ZNF578: variants seen among roughly 807,000 people sequenced by gnomAD.
ZNF578 encodes Putative chemokine-related protein B42.
In ZNF578, 8 loss-of-function variants were observed where a neutral mutation model predicts 8.3. The observed-to-expected ratio is 0.96, with a 90% confidence interval of 0.56 to 1.74. The LOEUF is 1.74. ZNF578 is among the 40% of genes most tolerant of loss of function. The pLI is 0.00. For synonymous variants in ZNF578, 206 were observed against 232.2 expected (o/e 0.89, Z 1.03); for missense variants, 726 against 707.5 (o/e 1.03, Z -0.30).
chr19:52,467,920 T>C (rs1266805681), intron 2 of ZNF578, among the ~76,000 whole-genome samples: 4 of 152,176 alleles, frequency 2.6e-5, no homozygotes, highest in Non-Finnish European at 5.9e-5. Context: ...TCTTCTAATA[T>C]AGTATAAGTA....
At chr19:52,509,615 A>G (rs577368730) in intron 5 of ZNF578, among the ~76,000 whole-genome samples, 8 of 152,234 alleles carry the variant, frequency 5.3e-5, no homozygotes, top group Admixed American at 1.3e-4. Flanking sequence ...AAAAACACAC[A>G]AACTAGCCAG....
intron 2 of ZNF578, among the ~76,000 whole-genome samples, chr19:52,467,195 G>A (rs549378912): frequency 6.5e-4 from 99 of 152,126 alleles, no homozygotes; most frequent in Non-Finnish European, 1.1e-3. Context: ...ATTTTTAGTT[G>A]AGACGGGGTT....
Position 52,488,627 on chromosome 19 carries a change from T to C in ZNF578, c.-121-2697T>C, listed in dbSNP as rs143358941. Among the ~76,000 whole-genome samples, 101 of 133,016 alleles carry C rather than the reference T, an allele frequency of 7.6e-4. 1 individual carries two copies. The East Asian group carries it at 0.015, about 19-fold the overall frequency. 87.3% of individuals were successfully genotyped at this position (133,016 alleles called of 152,430 possible). On this transcript the variant is annotated intron_variant, in intron 2 of 5. Transcript: ENST00000421239. ...CCATCTCAAAACAAACAAACAAAAATACCAAAATTAGCCAGGCGTGGTGGC... is the reference window on the plus strand; with the variant it reads ...CCATCTCAAAACAAACAAACAAAAACACCAAAATTAGCCAGGCGTGGTGGC...
At chr19:52,496,390 C>T (rs1183957600) in intron 3 of ZNF578, among the ~76,000 whole-genome samples, 5 of 147,044 alleles carry the variant, frequency 3.4e-5, no homozygotes, top group Admixed American at 2.0e-4. Flanking sequence ...AGTGCAGTGG[C>T]GCAATCTCGG....
At chr19:52,490,639 C>T (rs60946234) in intron 2 of ZNF578, among the ~76,000 whole-genome samples, 33,550 of 150,274 alleles carry the variant, frequency 0.22, 3,888 homozygotes, top group Non-Finnish European at 0.26. Flanking sequence ...ATTGTATTAA[C>T]ATTTTTTTTT....
chr19:52,500,340 T>G (rs1272285593), intron 3 of ZNF578, among the ~76,000 whole-genome samples: 1 of 151,842 alleles, frequency 6.6e-6, no homozygotes, highest in Non-Finnish European at 1.5e-5. Flanking sequence ...CAGGAAGACT[T>G]GAAGCAGGGA....
At chr19:52,503,472 AGTAT>A (rs1260119596) in intron 4 of ZNF578, among the ~76,000 whole-genome samples, 1 of 152,042 alleles carries the variant, frequency 6.6e-6, no homozygotes, top group African/African-American at 2.4e-5. Context: ...CAACCTCTGG[AGTAT>A]CTGGGATTAC....
chr19:52,493,551 G>C (rs1450908432), intron 3 of ZNF578, among the ~76,000 whole-genome samples: 1 of 152,128 alleles, frequency 6.6e-6, no homozygotes, highest in Non-Finnish European at 1.5e-5. Flanking sequence ...AGGACACCGG[G>C]GGATCTGGGG....
rs1246529274 is a variant in ZNF578, at chr19:52,513,626, G to A, written c.*1472G>A. Among the ~76,000 whole-genome samples the A allele has an allele frequency of 6.6e-6, 1 of 151,466 alleles. No homozygotes were observed. The highest frequency in any genetic ancestry group is 1.5e-5 in the Non-Finnish European group (1 of 67,896). On this transcript the variant is annotated 3_prime_UTR_variant, in exon 6 of 6. Coordinates refer to ENST00000421239, the MANE Select transcript of ZNF578 (RefSeq NM_001099694.2). ...GCACCTGTAGTCTCAGCTACTCAGG[G>A]GGCTGAGGCTGGACAATGGTGTGAA...
rs746756067 is a variant in ZNF578, at chr19:52,496,519, C to T, written c.-20+5094C>T. On this transcript the variant is annotated intron_variant, in intron 3 of 5. Coordinates refer to ENST00000421239, the MANE Select transcript of ZNF578 (RefSeq NM_001099694.2). Reference sequence around the variant, plus strand: ...TAATTTTTTGTATTTTTAGTAGAGACGGGGTGTCACCATGTTAGCCAGGAT... The same window carrying T: ...TAATTTTTTGTATTTTTAGTAGAGATGGGGTGTCACCATGTTAGCCAGGAT... Among the ~76,000 whole-genome samples the T allele has an allele frequency of 2.9e-4, 43 of 145,770 alleles. 5 individuals carry two copies. Among genetic ancestry groups the T allele is most frequent in the Non-Finnish European group, 5.7e-4 (38 of 66,338 alleles).
In ZNF578 at chr19:52,511,848, C is replaced by T. The variant is rs776973408; in HGVS notation, c.1467C>T (p.His489=). The T allele has an allele frequency of 5.1e-5, 82 of 1,613,302 alleles. No homozygotes were observed. Among genetic ancestry groups the T allele is most frequent in the Admixed American group, 1.3e-4 (8 of 59,964 alleles). The change falls in exon 6 of 6, where the codon CAC becomes CAT. Residue 489 remains histidine, a synonymous_variant. Transcript: ENST00000421239. ...AACCTTACAAGTGTAATGAGTGTCACAAGACCTTCAGTCACAGGTCATCTC... is the reference window on the plus strand; with the variant it reads ...AACCTTACAAGTGTAATGAGTGTCATAAGACCTTCAGTCACAGGTCATCTC... ...GEKPYKCNEC[H]KTFSHRSSLP...
intron 2 of ZNF578, among the ~76,000 whole-genome samples, chr19:52,489,725 G>C (rs1247081628): frequency 1.3e-5 from 2 of 149,796 alleles, no homozygotes; most frequent in Non-Finnish European, 3.0e-5. Context: ...GTGCGATCTT[G>C]GCTCACTGCA....
rs1193098983 is a variant in ZNF578 at position 52,513,138 on chromosome 19, A to G, written c.*984A>G. 6.6e-6 allele frequency among the ~76,000 whole-genome samples: 1 copy of G among 152,034 alleles called. No individual in the cohort carries two copies. The highest frequency in any genetic ancestry group is 2.4e-5 in the African/African-American group (1 of 41,394). On this transcript the variant is annotated 3_prime_UTR_variant, in exon 6 of 6. Transcript: ENST00000421239. ...TGGGTTCAAGCGATTCCTCTGCCTC[A>G]GCCTCCCTAGTTGCTGGGATTACAG... is the stretch of plus-strand genomic sequence containing the variant.
Position 52,491,425 on chromosome 19 carries a change from GGT to G in ZNF578, c.-20+2_-20+3del, listed in dbSNP as rs1169106321. 6.0e-6 allele frequency: 1 copy of G among 165,898 alleles called. No homozygotes were observed. Among genetic ancestry groups the G allele is most frequent in the Non-Finnish European group, 1.3e-5 (1 of 75,678 alleles). 10.3% of individuals were successfully genotyped at this position (165,898 alleles called of 1,614,324 possible). ...GTTTTTGCCACCACACTCCAGCTTG[GGT>G]GAGTGAGCTACACCCTATCGCAAAT... is the stretch of plus-strand genomic sequence containing the variant. On this transcript the variant is annotated splice_donor_variant, in intron 3 of 5. Coordinates refer to ENST00000421239, the MANE Select transcript of ZNF578 (RefSeq NM_001099694.2). LOFTEE classifies it low-confidence loss of function (5UTR_SPLICE).
Position 52,513,651 on chromosome 19 carries a change from AC to A in ZNF578, c.*1500del, listed in dbSNP as rs1350729474. On this transcript the variant is annotated 3_prime_UTR_variant, in exon 6 of 6. Coordinates refer to ENST00000421239, the MANE Select transcript of ZNF578 (RefSeq NM_001099694.2). ...GGGCTGAGGCTGGACAATGGTGTGA[AC>A]CCAGGAGGCGGTGCTTGCAGGGAGC... is the stretch of plus-strand genomic sequence containing the variant. 2.7e-5 allele frequency among the ~76,000 whole-genome samples: 4 copies of A among 148,956 alleles called. No individual in the cohort carries two copies. The highest frequency in any genetic ancestry group is 5.9e-5 in the Non-Finnish European group (4 of 67,598).
intron 2 of ZNF578, among the ~76,000 whole-genome samples, chr19:52,481,781 A>G (rs971878674): frequency 2.0e-5 from 3 of 152,144 alleles, no homozygotes; most frequent in Non-Finnish European, 2.9e-5. Context: ...CCCAGGCTGG[A>G]GTGCAGTGGT....
chr19:52,483,575 C>G (rs1599895724), intron 2 of ZNF578, among the ~76,000 whole-genome samples: 1 of 152,176 alleles, frequency 6.6e-6, no homozygotes, highest in East Asian at 1.9e-4. Context: ...ACATTCAGAC[C>G]AGGGAGCCTG....
chr19:52,457,309 A>G (rs1426669149), intron 2 of ZNF578: 2 of 152,164 alleles, frequency 1.3e-5, no homozygotes, highest in African/African-American at 4.8e-5. Flanking sequence ...ATGGCTGAAC[A>G]CGTGGAGGTT....
Position 52,511,511 on chromosome 19 carries a change from G to T in ZNF578, c.1130G>T (p.Gly377Val). 1 of 1,613,714 alleles carries T rather than the reference G, an allele frequency of 6.2e-7. No homozygotes were observed. Residue 377 changes from glycine to valine, a missense_variant, in exon 6 of 6, where the codon GGC (glycine) becomes GTC (valine). By Grantham distance (109) the Gly-to-Val change is moderately radical. Transcript: ENST00000421239. Reference protein sequence around the residue: ...GIKPYKCNECGKMFGQNSTLV... With the variant: ...GIKPYKCNECVKMFGQNSTLV... ...AAACCTTACAAGTGTAATGAGTGTG[G>T]CAAGATGTTTGGTCAAAATTCAACC...
Sources: gnomAD v4.1 joint callset for allele counts (sites outside exome capture counted in the v4.1 genomes callset) on GRCh38, gnomAD v4.1.1 for gene constraint, MANE v1.5 for transcripts, NCBI Gene and HGNC (gene_info 2026-07-23, HGNC 2026-07-21) for gene names.